The following DPP6 variants were observed in gnomAD, a reference collection of about 807,000 sequenced individuals.
The protein encoded by DPP6 is A-type potassium channel modulatory protein DPP6.
A neutral mutation model predicts 122.6 loss-of-function variants in DPP6; 69 were observed. The ratio of observed to expected loss-of-function variants is 0.56; its 90% CI spans 0.46 to 0.69. DPP6 has a LOEUF of 0.69. Among genes scored for constraint, DPP6 ranks in the 30% least tolerant of loss-of-function variants. The probability of loss-of-function intolerance (pLI) is 0.00; values close to 1 mark genes in which losing one functional copy is unlikely to be tolerated. For missense variants in DPP6, 928 were observed against 1,116.9 expected, an observed-to-expected ratio of 0.83 and a Z score of 2.41; for synonymous variants, 418 against 433.1, an observed-to-expected ratio of 0.97 and a Z score of 0.43.
At chr7:153,946,296 C>G (rs931215613) in intron 1 of DPP6, among the ~76,000 whole-genome samples, 1 of 152,174 alleles carries the variant, frequency 6.6e-6, no homozygotes, top group Admixed American at 6.5e-5. Flanking sequence ...ATATGCTAAA[C>G]AAGGGCTGGA....
rs374031921 is a variant in DPP6 at position 154,312,517 on chromosome 7, C to A, written c.244-133697C>A. ...CAGAATTCAAGAAAAACTGCTTTCCCCAGTGTGGAACTGCACGAGACTCAA... is the reference window on the plus strand; with the variant it reads ...CAGAATTCAAGAAAAACTGCTTTCCACAGTGTGGAACTGCACGAGACTCAA... On this transcript the variant is annotated intron_variant, in intron 1 of 25. Coordinates refer to ENST00000377770, the MANE Select transcript of DPP6 (RefSeq NM_130797.4). 7.9e-5 allele frequency among the ~76,000 whole-genome samples: 12 copies of A among 152,306 alleles called. No individual in the cohort carries two copies. In the East Asian group the frequency reaches 1.5e-3, roughly 20 times the overall value.
intron 1 of DPP6, among the ~76,000 whole-genome samples, chr7:154,097,212 C>G (rs201096726): frequency 0.025 from 3,717 of 148,460 alleles, no homozygotes; most frequent in East Asian, 0.17. Flanking sequence ...AGTCAGGCGG[C>G]CACTCAGTCT....
chr7:154,295,047 G>A (rs377699891), intron 1 of DPP6, among the ~76,000 whole-genome samples: 2 of 152,364 alleles, frequency 1.3e-5, no homozygotes, highest in East Asian at 1.9e-4. Flanking sequence ...CTGTGCCGGC[G>A]CTCCCTTGCT....
At chr7:154,168,603 T>C (rs1381637997) in intron 1 of DPP6, among the ~76,000 whole-genome samples, 1 of 152,170 alleles carries the variant, frequency 6.6e-6, no homozygotes, top group African/African-American at 2.4e-5. Context: ...GAGGCATGAA[T>C]CTTCCAAGTA....
intron 1 of DPP6, among the ~76,000 whole-genome samples, chr7:154,376,219 G>A (rs1813119232): frequency 6.6e-6 from 1 of 152,240 alleles, no homozygotes; most frequent in African/African-American, 2.4e-5. Flanking sequence ...TGAGCAGATG[G>A]TGGTCATTAA....
chr7:154,676,488 G>T (rs559179784), intron 7 of DPP6, among the ~76,000 whole-genome samples: 1 of 151,802 alleles, frequency 6.6e-6, no homozygotes, highest in East Asian at 1.9e-4. Flanking sequence ...CGGCCATGGG[G>T]TGTGCTGTCT....
chr7:154,892,919 C>G lies in DPP6; in HGVS notation c.*439C>G, dbSNP rs1281856258. ...CTGTCTCACGTCGCAGTGCCATGGA[C>G]GCAGCAGTTACAGCACCATTGTTTT... On this transcript the variant is annotated 3_prime_UTR_variant, in exon 26 of 26. Transcript: ENST00000377770. The G allele has an allele frequency of 1.9e-6, 1 of 523,154 alleles. No individual in the cohort carries two copies. Among genetic ancestry groups the G allele is most frequent in the Admixed American group, 1.9e-5 (1 of 51,696 alleles). The allele number at this position is 523,154 out of a possible 1,614,324, so 32.4% of individuals were successfully genotyped here.
intron 1 of DPP6, among the ~76,000 whole-genome samples, chr7:154,076,334 C>T (rs1052606560): frequency 1.4e-4 from 21 of 152,010 alleles, no homozygotes; most frequent in Middle Eastern, 3.4e-3. Context: ...CCTGTAATCC[C>T]AGCTACTCGG....
intron 16 of DPP6, among the ~76,000 whole-genome samples, chr7:154,835,036 C>T (rs1305399131): frequency 6.6e-6 from 1 of 152,204 alleles, no homozygotes; most frequent in Non-Finnish European, 1.5e-5. Context: ...CCAAATGGAG[C>T]TCTTCTGACA....
chr7:154,158,866 C>T (rs946229773), intron 1 of DPP6, among the ~76,000 whole-genome samples: 1 of 152,058 alleles, frequency 6.6e-6, no homozygotes. Context: ...TGGGCTGCTG[C>T]TGCTCTAGGA....
At chr7:154,135,782 CCTGTGAGTATACACTTT>C (rs984652319) in intron 1 of DPP6, among the ~76,000 whole-genome samples, 13 of 151,830 alleles carry the variant, frequency 8.6e-5, no homozygotes, top group African/African-American at 2.7e-4. Context: ...CTGTACACTT[CCTGTGAGTATACACTTT>C]CTGTGAGCCC....
chr7:154,250,334 T>A (rs1802273975), intron 1 of DPP6, among the ~76,000 whole-genome samples: 1 of 152,028 alleles, frequency 6.6e-6, no homozygotes, highest in Non-Finnish European at 1.5e-5. Context: ...TTTCATGCCA[T>A]CTCCTCTAAT....
rs181422185 is a variant in DPP6, at chr7:154,607,843, A to C, written c.628-29978A>C. Among the ~76,000 whole-genome samples, 11 of 120,546 alleles carry C rather than the reference A, an allele frequency of 9.1e-5. 1 individual carries two copies. The highest frequency in any genetic ancestry group is 2.9e-4 in the African/African-American group (11 of 38,042). The allele number at this position is 120,546 out of a possible 152,430, so 79.1% of individuals were successfully genotyped here. On this transcript the variant is annotated intron_variant, in intron 5 of 25. Transcript: ENST00000377770. The stretch of plus-strand genomic sequence containing the variant: ...TTATTAGTAAAGCTATTAGTAGTTA[A>C]GTTTTGGAGGAGCCAAAATCATACA...
At position 154,483,884 on chromosome 7, in the gene DPP6, A is replaced by C. The variant is rs1468278316; in HGVS notation, c.457+8847A>C. Among the ~76,000 whole-genome samples, 3 of 152,154 alleles carry C rather than the reference A, an allele frequency of 2.0e-5. No homozygotes were observed. The highest frequency in any genetic ancestry group is 6.5e-5 in the Admixed American group (1 of 15,274). On this transcript the variant is annotated intron_variant, in intron 3 of 25. Transcript: ENST00000377770. This position sits in a 1 kb window ranked among gnomAD's most constrained non-coding sequence, Gnocchi z 8.1. ...TAATTTTTGTATTTTTAGCAGAGAC[A>C]GGGTTTCCCCATATTGCTCAGGCTG...
chr7:153,816,794 G>C, the DPP6 span, among the ~76,000 whole-genome samples: 8 of 151,956 alleles, frequency 5.3e-5, no homozygotes, highest in Non-Finnish European at 5.9e-5. Context: ...TCTGCATGGA[G>C]CAGCTACACA....
At chr7:153,853,670 G>A in the DPP6 span, among the ~76,000 whole-genome samples, 2 of 152,288 alleles carry the variant, frequency 1.3e-5, no homozygotes, top group South Asian at 2.1e-4. Flanking sequence ...GCTCAGGAAA[G>A]GAACTCCTGG....
At chr7:154,477,454 G>A (rs1037623582) in intron 3 of DPP6, among the ~76,000 whole-genome samples, 1 of 151,786 alleles carries the variant, frequency 6.6e-6, no homozygotes, top group African/African-American at 2.4e-5. Flanking sequence ...GAAATAAAGT[G>A]TATTCATACC....
intron 3 of DPP6, among the ~76,000 whole-genome samples, chr7:154,507,858 A>T (rs760803399): frequency 1.3e-5 from 2 of 152,170 alleles, no homozygotes; most frequent in African/African-American, 2.4e-5. Context: ...AGAATGTTCT[A>T]TGCTTGGGTT....
At chr7:154,157,671 T>C (rs1379478613) in intron 1 of DPP6, among the ~76,000 whole-genome samples, 2 of 152,152 alleles carry the variant, frequency 1.3e-5, no homozygotes, top group Non-Finnish European at 1.5e-5. Flanking sequence ...CGGTGGCTCA[T>C]GCCTGTAATC....
Sources: gnomAD v4.1 joint callset for allele counts (sites outside exome capture counted in the v4.1 genomes callset) on GRCh38, gnomAD v4.1.1 for gene constraint, Gnocchi (gnomAD v3.1) non-coding constraint, MANE v1.5 for transcripts, NCBI Gene and HGNC (gene_info 2026-07-23, HGNC 2026-07-21) for gene names.